Variants in EFCAB5 observed in about 807,000 individuals in gnomAD.
EFCAB5 encodes the protein EF-hand calcium-binding domain-containing protein 5.
Under a neutral mutation model 167.9 loss-of-function variants are expected in EFCAB5, and 131 were observed. That is an observed-to-expected ratio of 0.78 (90% CI 0.68 to 0.90). The LOEUF is 0.90. Ranked by LOEUF, EFCAB5 falls within the 40% of genes least tolerant of loss-of-function variation. EFCAB5 has a pLI of 0.00. For missense variants in EFCAB5, 1,663 were observed against 1,745.2 expected (o/e 0.95, Z 0.84); for synonymous variants, 574 against 602.8 (o/e 0.95, Z 0.70).
At chr17:29,933,782 G>T (rs1014372698) in intron 1 of EFCAB5, among the ~76,000 whole-genome samples, 2 of 152,106 alleles carry the variant, frequency 1.3e-5, no homozygotes, top group Non-Finnish European at 1.5e-5. Flanking sequence ...AAATGTACTT[G>T]CATATTTCTC....
chr17:30,002,175 T>A (rs1403959745), intron 7 of EFCAB5, among the ~76,000 whole-genome samples: 3 of 152,234 alleles, frequency 2.0e-5, no homozygotes, highest in African/African-American at 7.2e-5. Flanking sequence ...CTTTAAAACA[T>A]GTTTTAAAAT....
chr17:30,058,272 T>G (rs1392097930), intron 13 of EFCAB5, among the ~76,000 whole-genome samples: 1 of 152,232 alleles, frequency 6.6e-6, no homozygotes, highest in African/African-American at 2.4e-5. Context: ...TATATATTTT[T>G]ACTCATGAGC....
chr17:29,966,418 G>T (rs1163211817), intron 3 of EFCAB5, among the ~76,000 whole-genome samples: 2 of 152,068 alleles, frequency 1.3e-5, no homozygotes, highest in Non-Finnish European at 2.9e-5. Context: ...ATCACTTGAA[G>T]CCAGGAGTTC....
At chr17:30,048,595 A>G (rs1042362974) in intron 8 of EFCAB5, among the ~76,000 whole-genome samples, 6 of 151,140 alleles carry the variant, frequency 4.0e-5, no homozygotes, top group Non-Finnish European at 7.4e-5. Flanking sequence ...CCTGGGTTCG[A>G]GCGATTCTCC....
intron 22 of EFCAB5, among the ~76,000 whole-genome samples, chr17:30,098,753 A>G (rs1397307296): frequency 1.3e-5 from 2 of 152,164 alleles, no homozygotes; most frequent in Non-Finnish European, 2.9e-5. Flanking sequence ...ACCACTATCT[A>G]ATTTTAGAAC....
At chr17:30,009,369 C>T (rs1320524342) in intron 7 of EFCAB5, among the ~76,000 whole-genome samples, 1 of 150,510 alleles carries the variant, frequency 6.6e-6, no homozygotes, top group Non-Finnish European at 1.5e-5. Flanking sequence ...AAACTTCATA[C>T]CCATTAGCAG....
upstream of EFCAB5, among the ~76,000 whole-genome samples, chr17:29,937,086 A>G (rs1365176220): frequency 6.6e-6 from 1 of 152,234 alleles, no homozygotes; most frequent in African/African-American, 2.4e-5. Flanking sequence ...ATAATCTGAT[A>G]AAATTTACAG....
intron 4 of EFCAB5, among the ~76,000 whole-genome samples, chr17:29,986,664 T>C (rs1205106972): frequency 6.9e-6 from 1 of 145,086 alleles, no homozygotes; most frequent in Non-Finnish European, 1.5e-5. Flanking sequence ...TTTTTTTTTT[T>C]TTGAGACGGA....
chr17:30,082,862 T>C (rs778223802), intron 17 of EFCAB5, 29 bp from the exon 18 acceptor site: 2 of 1,586,002 alleles, frequency 1.3e-6, no homozygotes, highest in East Asian at 2.3e-5. Flanking sequence ...TTAAAAAGAA[T>C]AGGCTATTTG....
At chr17:29,944,960 A>C (rs1359832220) in intron 3 of EFCAB5, among the ~76,000 whole-genome samples, 1 of 151,990 alleles carries the variant, frequency 6.6e-6, no homozygotes. Context: ...ACTTGACCAC[A>C]TATTTATTCC....
rs765014893 is a variant in EFCAB5, at chr17:30,090,531, T to A, written c.3794T>A (p.Val1265Asp). Residue 1265 changes from valine to aspartate, a missense_variant, in exon 20 of 23, where the codon GTC (valine) becomes GAC (aspartate). Transcript: ENST00000394835. The stretch of plus-strand genomic sequence containing the variant: ...GAGAGAACAGGAGAGGCTCTGGGAG[T>A]CCTCGATTTTAACATCGGCCAAAAT... ...LRERTGEALG[V>D]LDFNIGQNRM... 6.2e-7 allele frequency: 1 copy of A among 1,613,724 alleles called. No homozygotes were observed. Among genetic ancestry groups the A allele is most frequent in the Middle Eastern group, 1.6e-4 (1 of 6,062 alleles).
At chr17:29,968,210 T>A (rs1238821465) in intron 3 of EFCAB5, 1 of 395,450 alleles carries the variant, frequency 2.5e-6, no homozygotes, top group Non-Finnish European at 5.0e-6. Context: ...TGAACCTCAG[T>A]GTTGTAGCAG....
intron 9 of EFCAB5, among the ~76,000 whole-genome samples, chr17:30,052,434 G>A (rs1042581738): frequency 1.3e-5 from 2 of 152,148 alleles, no homozygotes; most frequent in South Asian, 4.1e-4. Context: ...CCAAAGTGCT[G>A]GGATTACAGG....
chr17:30,008,868 G>A (rs1376697700), intron 7 of EFCAB5, among the ~76,000 whole-genome samples: 1 of 152,094 alleles, frequency 6.6e-6, no homozygotes, highest in Non-Finnish European at 1.5e-5. Context: ...TCACAGCTCT[G>A]GAGGCCAGAA....
chr17:30,019,780 C>G (rs375881493), intron 7 of EFCAB5, among the ~76,000 whole-genome samples: 1 of 152,236 alleles, frequency 6.6e-6, no homozygotes, highest in African/African-American at 2.4e-5. Context: ...CTCAGTCATG[C>G]ATATTTTAGA....
At chr17:30,050,426 C>T (rs892335003) in intron 8 of EFCAB5, among the ~76,000 whole-genome samples, 6 of 152,084 alleles carry the variant, frequency 3.9e-5, no homozygotes, top group East Asian at 1.9e-4. Flanking sequence ...TGAGCCACCG[C>T]GCCTGGCCTA....
At chr17:29,971,641 C>T (rs2067957175) in intron 4 of EFCAB5, among the ~76,000 whole-genome samples, 1 of 152,106 alleles carries the variant, frequency 6.6e-6, no homozygotes, top group Non-Finnish European at 1.5e-5. Context: ...ATGATTTTCA[C>T]CTTAGATTCC....
chr17:29,936,463 A>T (rs2067246336), intron 1 of EFCAB5, among the ~76,000 whole-genome samples: 1 of 152,176 alleles, frequency 6.6e-6, no homozygotes, highest in Non-Finnish European at 1.5e-5. Context: ...AATAATAATA[A>T]AAAAAGAAGC....
At chr17:30,013,097 A>C (rs1435083597) in intron 7 of EFCAB5, among the ~76,000 whole-genome samples, 1 of 151,912 alleles carries the variant, frequency 6.6e-6, no homozygotes. Flanking sequence ...TAGCTGATGG[A>C]TTACGTTTAT....
Sources: allele counts gnomAD v4.1 joint callset (sites outside exome capture counted in the v4.1 genomes callset), GRCh38; gene constraint gnomAD v4.1.1; transcripts MANE v1.5; gene names NCBI Gene and HGNC (gene_info 2026-07-23, HGNC 2026-07-21).